JMY: variants seen among roughly 807,000 people sequenced by gnomAD.
JMY encodes the protein junction mediating and regulatory protein, p53 cofactor.
Under a neutral mutation model 103.3 loss-of-function variants are expected in JMY, and 46 were observed. That is an observed-to-expected ratio of 0.45 (90% CI 0.35 to 0.57). The LOEUF (loss-of-function observed/expected upper bound fraction) is 0.57. Among genes scored for constraint, JMY ranks in the 20% least tolerant of loss-of-function variants. The probability of loss-of-function intolerance (pLI) is 0.00; values close to 1 mark genes in which losing one functional copy is unlikely to be tolerated. For missense variants in JMY, 1,238 were observed against 1,255.2 expected (o/e 0.99, Z 0.21); for synonymous variants, 526 against 489.3 (o/e 1.07, Z -0.99).
chr5:79,321,295 A>T (rs1747440775), intron 10 of JMY, among the ~76,000 whole-genome samples: 1 of 152,222 alleles, frequency 6.6e-6, no homozygotes, highest in East Asian at 1.9e-4. Context: ...CTGCATTTTG[A>T]AGACACCATT....
chr5:79,312,048 C>A (rs1399855362), intron 7 of JMY, among the ~76,000 whole-genome samples: 1 of 152,054 alleles, frequency 6.6e-6, no homozygotes, highest in Admixed American at 6.6e-5. Context: ...AACCCCTGAC[C>A]TGAGGTGATC....
At chr5:79,266,214 T>C (rs1042214522) in intron 1 of JMY, among the ~76,000 whole-genome samples, 1 of 152,242 alleles carries the variant, frequency 6.6e-6, no homozygotes, top group Non-Finnish European at 1.5e-5. Flanking sequence ...GGGAGTTTGA[T>C]TAATGTCTCT....
At chr5:79,305,326 C>T (rs977415009) in intron 6 of JMY, among the ~76,000 whole-genome samples, 1 of 152,016 alleles carries the variant, frequency 6.6e-6, no homozygotes, top group Non-Finnish European at 1.5e-5. Context: ...ATGGCATGCG[C>T]CTGTAGTCCC....
In JMY at chr5:79,236,154, A is replaced by C. The variant is rs1404190740; in HGVS notation, c.-497A>C. 1 of 151,240 alleles carries C rather than the reference A, an allele frequency of 6.6e-6. No homozygotes were observed. The highest frequency in any genetic ancestry group is 2.1e-4 in the South Asian group (1 of 4,792). The allele number at this position is 151,240 out of a possible 1,614,324, so 9.4% of individuals were successfully genotyped here. The stretch of plus-strand genomic sequence containing the variant: ...GCAGTCGAATGGCAACATTGTGGCG[A>C]TGCTGAGGCGCAGAGTTTAGGAGAC... On this transcript the variant is annotated 5_prime_UTR_variant, in exon 1 of 11. It removes an upstream start codon present in the reference 5' UTR. Transcript: ENST00000396137.
intron 1 of JMY, among the ~76,000 whole-genome samples, chr5:79,275,724 C>T (rs1186375859): frequency 6.6e-6 from 1 of 152,088 alleles, no homozygotes; most frequent in Non-Finnish European, 1.5e-5. Flanking sequence ...CTAGAGAAGT[C>T]AAAATTCTCC....
intron 1 of JMY, among the ~76,000 whole-genome samples, chr5:79,277,360 C>T (rs1745970496): frequency 6.6e-6 from 1 of 151,892 alleles, no homozygotes; most frequent in East Asian, 1.9e-4. Flanking sequence ...GGTCCAGTGG[C>T]TCACGCCTGT....
At chr5:79,296,189 T>C (rs1247277979) in intron 4 of JMY, among the ~76,000 whole-genome samples, 1 of 152,208 alleles carries the variant, frequency 6.6e-6, no homozygotes, top group Non-Finnish European at 1.5e-5. Flanking sequence ...TACCTAAGGA[T>C]TAAAAATAGT....
chr5:79,300,819 C>A lies in JMY; in HGVS notation c.1837C>A (p.Arg613Ser). 1 of 1,604,098 alleles carries A rather than the reference C, an allele frequency of 6.2e-7. No individual in the cohort carries two copies. The highest frequency in any genetic ancestry group is 8.5e-7 in the Non-Finnish European group (1 of 1,176,958). The change falls in exon 6 of 11, where the codon CGT (arginine) becomes AGT (serine). Residue 613 changes from arginine (R) to serine (S), a missense_variant. Coordinates refer to ENST00000396137, the MANE Select transcript of JMY (RefSeq NM_152405.5). ...QQKARQLEAR[R>S]GRVSAKKSYL... is the part of the protein sequence containing the mutation. ...GAAAGCACGCCAGCTGGAAGCAAGA[C>A]GTGGACGGGTTTCTGCCAAGAAATC...
rs1256807168 is a variant in JMY at position 79,301,300 on chromosome 5, TAA to T, written c.1881+442_1881+443del. Among the ~76,000 whole-genome samples the T allele has an allele frequency of 5.3e-5, 8 of 152,320 alleles. No individual in the cohort carries two copies. In the South Asian group the frequency reaches 1.0e-3, roughly 20 times the overall value. ...TGGAAATGTGATTCTTCCTGTGTCT[TAA>T]AAAATGTTTTGCACTCTAGTCCAGA... On this transcript the variant is annotated intron_variant, in intron 6 of 10. Transcript: ENST00000396137.
rs184957248 is a variant in JMY at position 79,297,435 on chromosome 5, T to C, written c.1528-2718T>C. On this transcript the variant is annotated intron_variant, in intron 4 of 10. Coordinates refer to ENST00000396137, the MANE Select transcript of JMY (RefSeq NM_152405.5). ...CCCTGGATTCTGTTTCTCTTAGTTCTGTGGCTGTCAGCTGAGGACAGGAAA... is the reference window on the plus strand; with the variant it reads ...CCCTGGATTCTGTTTCTCTTAGTTCCGTGGCTGTCAGCTGAGGACAGGAAA... Among the ~76,000 whole-genome samples the C allele has an allele frequency of 5.9e-5, 9 of 152,274 alleles. No homozygotes were observed. In the East Asian group the frequency reaches 1.7e-3, roughly 29 times the overall value.
rs79342964 is a variant in JMY at position 79,275,174 on chromosome 5, T to C, written c.1033-2736T>C. 4.7e-5 allele frequency among the ~76,000 whole-genome samples: 7 copies of C among 150,492 alleles called. No homozygotes were observed. The South Asian group carries it at 1.5e-3, about 32-fold the overall frequency. Reference sequence around the variant, plus strand: ...TCTGAGGGTTTTTTTTTTTTTTTTTTGGAGATGGAGTCTTGCTCTGTTGCC... The same window carrying C: ...TCTGAGGGTTTTTTTTTTTTTTTTTCGGAGATGGAGTCTTGCTCTGTTGCC... On this transcript the variant is annotated intron_variant, in intron 1 of 10. Transcript: ENST00000396137.
chr5:79,318,741 AATATATATATAT>A (rs71830021), intron 10 of JMY, among the ~76,000 whole-genome samples: 4 of 134,772 alleles, frequency 3.0e-5, no homozygotes, highest in African/African-American at 1.1e-4. Flanking sequence ...TTTGTAAAGG[AATATATATATAT>A]ATATATATAG....
chr5:79,277,602 C>T (rs1007129944), intron 1 of JMY, among the ~76,000 whole-genome samples: 8 of 151,902 alleles, frequency 5.3e-5, no homozygotes, highest in African/African-American at 1.9e-4. Context: ...CGCACCATTG[C>T]ACTCCAGCCT....
chr5:79,251,290 G>A (rs1008558867), intron 1 of JMY, among the ~76,000 whole-genome samples: 1 of 152,050 alleles, frequency 6.6e-6, no homozygotes, highest in Non-Finnish European at 1.5e-5. Context: ...GGAGTACAGT[G>A]GCACAATCAT....
At chr5:79,255,939 C>T (rs1409568925) in intron 1 of JMY, among the ~76,000 whole-genome samples, 1 of 152,238 alleles carries the variant, frequency 6.6e-6, no homozygotes, top group Non-Finnish European at 1.5e-5. Context: ...CCCTGGCTAC[C>T]GCCTACGTTC....
chr5:79,247,484 A>AT (rs1362643425), intron 1 of JMY, among the ~76,000 whole-genome samples: 1 of 151,144 alleles, frequency 6.6e-6, no homozygotes, highest in Non-Finnish European at 1.5e-5. Context: ...AATTTTTTGT[A>AT]TTTTTTAGTT....
intron 2 of JMY, among the ~76,000 whole-genome samples, chr5:79,288,422 A>G (rs1157133730): frequency 6.6e-6 from 1 of 150,792 alleles, no homozygotes; most frequent in African/African-American, 2.4e-5. Context: ...AACCTCAATG[A>G]AGTTTGTCCT....
chr5:79,258,596 ACT>A (rs1187327963), intron 1 of JMY, among the ~76,000 whole-genome samples: 3 of 151,830 alleles, frequency 2.0e-5, no homozygotes, highest in Admixed American at 6.6e-5. Flanking sequence ...ACAACCAGGC[ACT>A]CTGGCGGTGG....
In JMY at chr5:79,236,703, C is replaced by A; in HGVS notation, c.53C>A (p.Pro18His). Residue 18 changes from proline (P) to histidine (H), a missense_variant, in exon 1 of 11, where the codon CCC becomes CAC. Pro to His is a moderately conservative substitution (Grantham distance 77, BLOSUM62 -2). Coordinates refer to ENST00000396137, the MANE Select transcript of JMY (RefSeq NM_152405.5). Reference sequence around the variant, plus strand: ...GAGTCGGACTGGGTGGCTGTGCGGCCCCATGTGTTCGACGAGCGCGAGAAA... The same window carrying A: ...GAGTCGGACTGGGTGGCTGTGCGGCACCATGTGTTCGACGAGCGCGAGAAA... ...TLESDWVAVR[P>H]HVFDEREKHK... is the part of the protein sequence containing the mutation. 6.7e-7 allele frequency: 1 copy of A among 1,499,886 alleles called. No homozygotes were observed. The highest frequency in any genetic ancestry group is 1.7e-4 in the Middle Eastern group (1 of 5,832). The allele number at this position is 1,499,886 out of a possible 1,614,324, so 92.9% of individuals were successfully genotyped here.
Sources: allele counts gnomAD v4.1 joint callset (sites outside exome capture counted in the v4.1 genomes callset), GRCh38; gene constraint gnomAD v4.1.1; transcripts MANE v1.5; gene names NCBI Gene and HGNC (gene_info 2026-07-23, HGNC 2026-07-21).